Variants in TAX1BP1 observed in about 807,000 individuals in gnomAD.
The protein encoded by TAX1BP1 is tax1-binding protein 1.
In TAX1BP1, 62 loss-of-function variants were observed where a neutral mutation model predicts 97.7. The ratio of observed to expected loss-of-function variants is 0.63; its 90% confidence interval spans 0.52 to 0.78. The LOEUF is 0.78. TAX1BP1 is among the 30% of genes least tolerant of loss of function. TAX1BP1 has a pLI of 0.00. For missense variants in TAX1BP1, 867 were observed against 916.1 expected, an observed-to-expected ratio of 0.95 and a Z score of 0.69; for synonymous variants, 340 against 304.2, an observed-to-expected ratio of 1.12 and a Z score of -1.23.
Position 27,768,150 on chromosome 7 carries a change from C to G in TAX1BP1, c.454-1526C>G, listed in dbSNP as rs114780412. 8.3e-3 allele frequency among the ~76,000 whole-genome samples: 1,258 copies of G among 152,062 alleles called. 18 individuals carry two copies. The highest frequency in any genetic ancestry group is 0.029 in the African/African-American group (1,198 of 41,512). ...AATAATAGTGGTGGTTTAAAGCCAA[C>G]TGTCCTTATTAGGTGATGCTTGCTC... On this transcript the variant is annotated intron_variant, in intron 4 of 16. Coordinates refer to ENST00000396319, the MANE Select transcript of TAX1BP1 (RefSeq NM_006024.7).
intron 5 of TAX1BP1, 131 bp downstream of exon 5, chr7:27,769,965 A>T: frequency 2.6e-6 from 2 of 777,072 alleles, no homozygotes; most frequent in Non-Finnish European, 4.2e-6. Flanking sequence ...ATAGACGTTT[A>T]TACAAGAACA....
intron 5 of TAX1BP1, among the ~76,000 whole-genome samples, chr7:27,780,476 T>C (rs1216218696): frequency 1.3e-5 from 2 of 152,192 alleles, no homozygotes; most frequent in Non-Finnish European, 2.9e-5. Context: ...AATGAGAATG[T>C]ATTATACATA....
intron 13 of TAX1BP1, among the ~76,000 whole-genome samples, chr7:27,808,144 T>C (rs1172083984): frequency 1.3e-5 from 2 of 152,216 alleles, no homozygotes. Flanking sequence ...ATCTGGGCTG[T>C]AGGTGTACCC....
At chr7:27,743,305 T>TAA (rs1787688341) in intron 1 of TAX1BP1, among the ~76,000 whole-genome samples, 1 of 152,132 alleles carries the variant, frequency 6.6e-6, no homozygotes, top group Non-Finnish European at 1.5e-5. Context: ...TTGAGAGTTG[T>TAA]TAGTCTTTCT....
At chr7:27,819,606 G>A (rs555882517) in intron 15 of TAX1BP1, among the ~76,000 whole-genome samples, 4 of 152,248 alleles carry the variant, frequency 2.6e-5, no homozygotes, top group East Asian at 1.9e-4. Context: ...CTCAACTTAC[G>A]ATGGGGTTAC....
intron 12 of TAX1BP1, 120 bp from the exon 13 acceptor site, chr7:27,799,845 A>G (rs1790066097): frequency 1.5e-6 from 1 of 657,080 alleles, no homozygotes; most frequent in Non-Finnish European, 2.3e-6. Context: ...GATTATTCCA[A>G]TTTTTATGCT....
chr7:27,810,044 A>G (rs1333129349), intron 13 of TAX1BP1, among the ~76,000 whole-genome samples: 2 of 151,776 alleles, frequency 1.3e-5, no homozygotes, highest in Non-Finnish European at 2.9e-5. Context: ...GGTAGCTGGG[A>G]CTACAGGTGT....
intron 15 of TAX1BP1, among the ~76,000 whole-genome samples, chr7:27,819,679 C>T (rs1790903784): frequency 6.6e-6 from 1 of 152,158 alleles, no homozygotes; most frequent in African/African-American, 2.4e-5. Context: ...TTTCAGCTTA[C>T]AGTGGGTTCA....
chr7:27,824,386 G>T (rs1356676291), intron 15 of TAX1BP1, among the ~76,000 whole-genome samples: 1 of 151,440 alleles, frequency 6.6e-6, no homozygotes, highest in African/African-American at 2.4e-5. Context: ...AACATAGTGA[G>T]ATCCTGTCTC....
intron 5 of TAX1BP1, among the ~76,000 whole-genome samples, chr7:27,771,770 TG>T (rs1788857812): frequency 6.6e-6 from 1 of 152,060 alleles, no homozygotes; most frequent in Non-Finnish European, 1.5e-5. Flanking sequence ...ATTCTTGCAT[TG>T]GGGCATATTC....
intron 13 of TAX1BP1, among the ~76,000 whole-genome samples, chr7:27,804,612 T>C (rs1437571835): frequency 1.3e-5 from 2 of 152,232 alleles, no homozygotes; most frequent in South Asian, 2.1e-4. Flanking sequence ...CTCACACTTA[T>C]TCACACGTAA....
chr7:27,765,725 C>T, intron 3 of TAX1BP1, 109 bp from the exon 4 acceptor site: 1 of 942,510 alleles, frequency 1.1e-6, no homozygotes, highest in Non-Finnish European at 1.6e-6. Flanking sequence ...ATCCCAGATT[C>T]TTGTCAAGAA....
rs541427063 is a variant in TAX1BP1, at chr7:27,827,285, A to G, written c.2086-453A>G. ...TAAGAATTGCTTGAACCCAGGAGGC[A>G]GGGGTTGCAGTCAGCCGAGATCGCG... On this transcript the variant is annotated intron_variant, in intron 15 of 16. Transcript: ENST00000396319. Among the ~76,000 whole-genome samples the G allele has an allele frequency of 5.9e-5, 9 of 151,728 alleles. No individual in the cohort carries two copies. The East Asian group carries it at 1.7e-3, about 29-fold the overall frequency.
chr7:27,775,341 C>CCAGGA (rs1788990186), intron 5 of TAX1BP1, among the ~76,000 whole-genome samples: 1 of 151,964 alleles, frequency 6.6e-6, no homozygotes, highest in African/African-American at 2.4e-5. Context: ...TCAGAATATA[C>CCAGGA]CAGGACACAT....
chr7:27,807,360 C>T (rs1182356930), intron 13 of TAX1BP1, among the ~76,000 whole-genome samples: 1 of 151,962 alleles, frequency 6.6e-6, no homozygotes, highest in African/African-American at 2.4e-5. Context: ...TCTTTTCCTC[C>T]CTGATCTAGG....
intron 15 of TAX1BP1, among the ~76,000 whole-genome samples, chr7:27,821,064 A>G (rs1324801745): frequency 6.6e-6 from 1 of 152,190 alleles, no homozygotes; most frequent in African/African-American, 2.4e-5. Flanking sequence ...AGATTTTTGG[A>G]TTAAAGATAG....
At position 27,829,225 on chromosome 7, in the gene TAX1BP1, A is replaced by C. The variant is rs1782603770; in HGVS notation, c.*396A>C. 1 of 157,154 alleles carries C rather than the reference A, an allele frequency of 6.4e-6. No individual in the cohort carries two copies. The highest frequency in any genetic ancestry group is 1.4e-5 in the Non-Finnish European group (1 of 71,556). The allele number at this position is 157,154 out of a possible 1,614,324, so 9.7% of individuals were successfully genotyped here. On this transcript the variant is annotated 3_prime_UTR_variant, in exon 17 of 17. Coordinates refer to ENST00000396319, the MANE Select transcript of TAX1BP1 (RefSeq NM_006024.7). ...TTGACCTTGTTGATTGAGCATGACT[A>C]CTAAATATTATGTAATAAAAAGCAT...
chr7:27,791,062 G>C (rs373878316), intron 8 of TAX1BP1, among the ~76,000 whole-genome samples: 2 of 152,028 alleles, frequency 1.3e-5, no homozygotes, highest in South Asian at 2.1e-4. Flanking sequence ...TACCTTTCTT[G>C]AATATATTAC....
intron 11 of TAX1BP1, among the ~76,000 whole-genome samples, chr7:27,794,904 A>G (rs1056425309): frequency 1.9e-4 from 29 of 152,110 alleles, no homozygotes; most frequent in African/African-American, 5.3e-4. Flanking sequence ...CTTTGGATCA[A>G]TGGGGGTACT....
Sources: allele counts gnomAD v4.1 joint callset (sites outside exome capture counted in the v4.1 genomes callset), GRCh38; gene constraint gnomAD v4.1.1; transcripts MANE v1.5; gene names NCBI Gene and HGNC (gene_info 2026-07-23, HGNC 2026-07-21).